TAFA2: variants seen among roughly 807,000 people sequenced by gnomAD.
TAFA2 encodes chemokine-like protein TAFA-2.
Under a neutral mutation model 18.8 loss-of-function variants are expected in TAFA2, and 7 were observed. That is an observed-to-expected ratio of 0.37 (90% CI 0.21 to 0.70). TAFA2 has a LOEUF of 0.70. Among genes scored for constraint, TAFA2 ranks in the 30% least tolerant of loss-of-function variants. TAFA2 has a pLI of 0.53. For synonymous variants in TAFA2, 60 were observed against 54.2 expected (o/e 1.11, Z -0.47); for missense variants, 122 against 158.1 (o/e 0.77, Z 1.23).
intron 1 of TAFA2, among the ~76,000 whole-genome samples, chr12:62,033,959 T>C (rs927701389): frequency 1.3e-5 from 2 of 152,306 alleles, no homozygotes; most frequent in Middle Eastern, 3.4e-3. Flanking sequence ...ATTTTTGTAG[T>C]TCAAAAATGG....
chr12:62,078,099 C>A (rs1868264558), intron 1 of TAFA2, among the ~76,000 whole-genome samples: 1 of 152,130 alleles, frequency 6.6e-6, no homozygotes, highest in South Asian at 2.1e-4. Flanking sequence ...AGACAAGAGA[C>A]ACAGAGCTCA....
intron 4 of TAFA2, among the ~76,000 whole-genome samples, chr12:61,719,783 A>G (rs1395585977): frequency 6.6e-6 from 1 of 152,216 alleles, no homozygotes; most frequent in Non-Finnish European, 1.5e-5. Flanking sequence ...GTCACTTAAA[A>G]GGACTTGATG....
At position 62,224,686 on chromosome 12, in the gene TAFA2, A is replaced by G. The variant is rs534675734; in HGVS notation, c.-130+34077T>C. On this transcript the variant is annotated intron_variant, in intron 1 of 5. Transcript: ENST00000551619. ...AGACACAAAAAATAAAATGGTTGCCAGAGGCTGGGGAAAGGGAGGGATGGG... is the reference window on the plus strand; with the variant it reads ...AGACACAAAAAATAAAATGGTTGCCGGAGGCTGGGGAAAGGGAGGGATGGG... Among the ~76,000 whole-genome samples the G allele has an allele frequency of 1.4e-4, 21 of 152,258 alleles. No homozygotes were observed. In the East Asian group the frequency reaches 4.1e-3, roughly 29 times the overall value.
At position 61,710,356 on chromosome 12, in the gene TAFA2, T is replaced by C. The variant is rs749611115; in HGVS notation, c.*50A>G. On this transcript the variant is annotated 3_prime_UTR_variant, in exon 5 of 5. Transcript: ENST00000416284. Reference sequence around the variant, plus strand: ...CCTCAGGAGTTGAGTTAAGTTTCTATGCGCATGTTCAATGTCATCAGCCTT... The same window carrying C: ...CCTCAGGAGTTGAGTTAAGTTTCTACGCGCATGTTCAATGTCATCAGCCTT... The C allele has an allele frequency of 1.2e-5, 19 of 1,582,810 alleles. No individual in the cohort carries two copies. Among genetic ancestry groups the C allele is most frequent in the Non-Finnish European group, 1.2e-5 (14 of 1,152,026 alleles).
At chr12:61,889,066 T>G (rs1875515685) in intron 1 of TAFA2, among the ~76,000 whole-genome samples, 1 of 152,266 alleles carries the variant, frequency 6.6e-6, no homozygotes, top group Non-Finnish European at 1.5e-5. Context: ...CCACAACTCC[T>G]TCTCCATTCA....
chr12:62,187,101 T>C (rs2062591327), intron 1 of TAFA2, among the ~76,000 whole-genome samples: 1 of 152,150 alleles, frequency 6.6e-6, no homozygotes. Flanking sequence ...GTGCATTGAC[T>C]ATGGAGGTGT....
intron 1 of TAFA2, among the ~76,000 whole-genome samples, chr12:62,102,144 T>C (rs1592335924): frequency 1.3e-5 from 2 of 152,242 alleles, no homozygotes; most frequent in African/African-American, 4.8e-5. Context: ...CCTGCTTTCA[T>C]TATACTTGTG....
chr12:62,211,785 A>T (rs1409366560), intron 1 of TAFA2, among the ~76,000 whole-genome samples: 1 of 152,194 alleles, frequency 6.6e-6, no homozygotes, highest in Non-Finnish European at 1.5e-5. Context: ...TATAGATTAG[A>T]CCAGTGGCTC....
At position 62,019,926 on chromosome 12, in the gene TAFA2, A is replaced by C. The variant is rs897649342; in HGVS notation, c.-1-152500T>G. 7.9e-5 allele frequency among the ~76,000 whole-genome samples: 12 copies of C among 152,270 alleles called. 1 individual carries two copies. The highest frequency in any genetic ancestry group is 5.9e-4 in the Admixed American group (9 of 15,290). Reference sequence around the variant, plus strand: ...CAATTTAATTATTTTCAATTTCTTAATATATTTTTATTCAATTTTAGTTTT... The same window carrying C: ...CAATTTAATTATTTTCAATTTCTTACTATATTTTTATTCAATTTTAGTTTT... On this transcript the variant is annotated intron_variant, in intron 1 of 4. Coordinates refer to ENST00000416284, the MANE Select transcript of TAFA2 (RefSeq NM_178539.5).
chr12:61,816,939 G>T (rs1565644192), intron 2 of TAFA2, among the ~76,000 whole-genome samples: 1 of 151,178 alleles, frequency 6.6e-6, no homozygotes, highest in South Asian at 2.1e-4. Flanking sequence ...TATATATATT[G>T]TAATAGTATG....
intron 1 of TAFA2, among the ~76,000 whole-genome samples, chr12:61,957,429 G>C (rs1381097015): frequency 1.3e-5 from 2 of 152,110 alleles, no homozygotes; most frequent in Non-Finnish European, 2.9e-5. Context: ...TGGATGGAAA[G>C]TTACTAAGAG....
chr12:61,792,924 T>C (rs946463954), intron 2 of TAFA2, among the ~76,000 whole-genome samples: 5 of 151,638 alleles, frequency 3.3e-5, no homozygotes, highest in Admixed American at 6.6e-5. Context: ...CTTGACCTAA[T>C]TGAAATTTAG....
At chr12:61,827,686 A>G (rs1872576492) in intron 2 of TAFA2, among the ~76,000 whole-genome samples, 2 of 152,068 alleles carry the variant, frequency 1.3e-5, no homozygotes, top group Admixed American at 1.3e-4. Context: ...GTCACAATGC[A>G]TATTAGCATA....
chr12:61,802,087 G>C (rs537906310), intron 2 of TAFA2, among the ~76,000 whole-genome samples: 44 of 152,042 alleles, frequency 2.9e-4, no homozygotes, highest in African/African-American at 1.1e-3. Flanking sequence ...GGTTATAATG[G>C]GTATTATCAA....
rs189786985 is a variant in TAFA2 at position 62,154,513 on chromosome 12, G to A, written c.-2+36746C>T. Among the ~76,000 whole-genome samples the A allele has an allele frequency of 2.0e-5, 3 of 152,146 alleles. No homozygotes were observed. The East Asian group carries it at 5.8e-4, about 29-fold the overall frequency. On this transcript the variant is annotated intron_variant, in intron 1 of 4. Coordinates refer to ENST00000416284, the MANE Select transcript of TAFA2 (RefSeq NM_178539.5). ...ATGTTAGTACAGAAAAGAAGGATGG[G>A]AATGAATAGGCCACTAATAGTGTCT...
At chr12:62,098,245 A>G (rs538543910) in intron 1 of TAFA2, among the ~76,000 whole-genome samples, 58 of 152,278 alleles carry the variant, frequency 3.8e-4, no homozygotes, top group African/African-American at 1.3e-3. Flanking sequence ...TGTAACACTC[A>G]TCAGAGTTTC....
At chr12:61,902,089 G>GT (rs1389131512) in intron 1 of TAFA2, among the ~76,000 whole-genome samples, 1 of 78,254 alleles carries the variant, frequency 1.3e-5, no homozygotes, top group Non-Finnish European at 2.2e-5. Flanking sequence ...GTGCAGGAAT[G>GT]TTAAAAAAAA....
chr12:62,248,319 T>C (rs1202344136), intron 1 of TAFA2, among the ~76,000 whole-genome samples: 1 of 152,162 alleles, frequency 6.6e-6, no homozygotes, highest in East Asian at 1.9e-4. Context: ...TCTTTGAACA[T>C]GACACATGAG....
At chr12:62,147,307 T>C (rs2062289301) in intron 1 of TAFA2, among the ~76,000 whole-genome samples, 1 of 10,644 alleles carries the variant, frequency 9.4e-5, no homozygotes. Flanking sequence ...TGTATGCATG[T>C]GTGTGTGTGT....
Sources: gnomAD v4.1 joint callset for allele counts (sites outside exome capture counted in the v4.1 genomes callset) on GRCh38, gnomAD v4.1.1 for gene constraint, MANE v1.5 for transcripts, NCBI Gene and HGNC (gene_info 2026-07-23, HGNC 2026-07-21) for gene names.